The following ANKDD1A variants were observed in gnomAD, a reference collection of about 807,000 sequenced individuals.
ANKDD1A encodes the protein ankyrin repeat and death domain containing 1A.
Under a neutral mutation model 63.5 loss-of-function variants are expected in ANKDD1A, and 59 were observed. That is an observed-to-expected ratio of 0.93 (90% CI 0.75 to 1.15). The LOEUF is 1.15. Ranked by LOEUF, ANKDD1A falls within the 50% of genes most tolerant of loss-of-function variation. ANKDD1A has a pLI of 0.00. For synonymous variants in ANKDD1A, 266 were observed against 263.9 expected (o/e 1.01, Z -0.08); for missense variants, 632 against 656.4 (o/e 0.96, Z 0.41).
intron 10 of ANKDD1A, 29 bp from the exon 11 acceptor site, chr15:64,943,455 C>A: frequency 1.2e-6 from 2 of 1,607,476 alleles, no homozygotes; most frequent in Non-Finnish European, 1.7e-6. Flanking sequence ...ATGCTTTTCA[C>A]TTACCTATTC....
intron 6 of ANKDD1A, among the ~76,000 whole-genome samples, chr15:64,929,745 G>A (rs1189083007): frequency 2.0e-5 from 3 of 152,030 alleles, no homozygotes; most frequent in South Asian, 2.1e-4. Context: ...ATGTACCCCC[G>A]GCCCTATTCT....
intron 13 of ANKDD1A, 151 bp downstream of exon 13, chr15:64,947,744 T>A (rs1259447551): frequency 5.5e-6 from 5 of 914,936 alleles, no homozygotes; most frequent in Non-Finnish European, 8.2e-6. Flanking sequence ...GCTCTGTCCC[T>A]CCTCCAGGCC....
intron 9 of ANKDD1A, among the ~76,000 whole-genome samples, chr15:64,934,550 A>G (rs1595851707): frequency 7.8e-6 from 1 of 127,626 alleles, no homozygotes; most frequent in African/African-American, 3.1e-5. Flanking sequence ...CCCAGGCTGG[A>G]GTGCAGTGTT....
At chr15:64,912,099 C>A in intron 1 of ANKDD1A, 135 bp downstream of exon 1, 1 of 909,770 alleles carries the variant, frequency 1.1e-6, no homozygotes. Flanking sequence ...TGGCTCCGAG[C>A]GGAATGGTTA....
chr15:64,938,504 A>G (rs2085153595), intron 9 of ANKDD1A, among the ~76,000 whole-genome samples: 2 of 152,232 alleles, frequency 1.3e-5, no homozygotes, highest in African/African-American at 2.4e-5. Context: ...GAGACATTCT[A>G]CGAAATACTT....
intron 14 of ANKDD1A, among the ~76,000 whole-genome samples, chr15:64,955,573 A>G (rs1354183996): frequency 6.6e-6 from 1 of 152,144 alleles, no homozygotes; most frequent in Non-Finnish European, 1.5e-5. Flanking sequence ...GGTTTCCCAG[A>G]ATGTGGAAAA....
At chr15:64,951,863 CTTCT>C (rs1239545037) in intron 14 of ANKDD1A, among the ~76,000 whole-genome samples, 5 of 15,256 alleles carry the variant, frequency 3.3e-4, no homozygotes, top group Non-Finnish European at 1.5e-3. Flanking sequence ...TCTTCTTCCT[CTTCT>C]TTTTCTTTCT....
intron 9 of ANKDD1A, among the ~76,000 whole-genome samples, chr15:64,939,924 G>T (rs1043445567): frequency 6.6e-6 from 1 of 151,904 alleles, no homozygotes; most frequent in African/African-American, 2.4e-5. Flanking sequence ...TTGGATCTAG[G>T]GTTAGGCCAA....
chr15:64,930,575 C>T (rs905438327), intron 6 of ANKDD1A, among the ~76,000 whole-genome samples: 9 of 152,274 alleles, frequency 5.9e-5, no homozygotes, highest in East Asian at 1.9e-4. Flanking sequence ...GAGGAGGGAC[C>T]GGCTTCAGAT....
At chr15:64,930,297 C>T (rs2085079237) in intron 6 of ANKDD1A, among the ~76,000 whole-genome samples, 1 of 151,624 alleles carries the variant, frequency 6.6e-6, no homozygotes, top group Non-Finnish European at 1.5e-5. Flanking sequence ...ATACTAAGCA[C>T]TCAGCCAGTG....
At chr15:64,942,428 G>A in intron 9 of ANKDD1A, 39 bp from the exon 10 acceptor site, 1 of 1,509,976 alleles carries the variant, frequency 6.6e-7, no homozygotes, top group South Asian at 1.2e-5. Context: ...GCAGTCCTGG[G>A]AGGGACTGGT....
In ANKDD1A at chr15:64,957,153, G is replaced by A. The variant is rs1252303204; in HGVS notation, c.1534G>A (p.Val512Ile). The change falls in exon 15 of 15, where the codon GTT (valine) becomes ATT (isoleucine). Residue 512 changes from valine to isoleucine, a missense_variant. Physicochemically the swap from Val to Ile is conservative, Grantham distance 29 (BLOSUM62 3). Transcript: ENST00000319580. ...SQLTATSASR[V>I]QMILVPQPPE is the part of the protein sequence containing the mutation. Reference sequence around the variant, plus strand: ...GCTCACGGCAACCTCCGCCTCCCGGGTTCAAATGATTCTTGTGCCTCAGCC... The same window carrying A: ...GCTCACGGCAACCTCCGCCTCCCGGATTCAAATGATTCTTGTGCCTCAGCC... The A allele has an allele frequency of 9.2e-6, 4 of 433,924 alleles. No homozygotes were observed. Among genetic ancestry groups the A allele is most frequent in the South Asian group, 1.6e-5 (1 of 62,240 alleles). The allele number at this position is 433,924 out of a possible 1,614,324, so 26.9% of individuals were successfully genotyped here.
chr15:64,920,623 C>A (rs907922183), intron 3 of ANKDD1A, among the ~76,000 whole-genome samples: 41 of 152,200 alleles, frequency 2.7e-4, no homozygotes, highest in African/African-American at 9.9e-4. Flanking sequence ...GCAATTTTGG[C>A]TCACCATAAG....
intron 14 of ANKDD1A, among the ~76,000 whole-genome samples, chr15:64,953,344 CTTCTTCTTAG>C (rs1025185993): frequency 2.1e-5 from 3 of 146,096 alleles, no homozygotes; most frequent in Non-Finnish European, 4.5e-5. Context: ...TCTTCCTCTC[CTTCTTCTTAG>C]TTCTTCTTTC....
intron 3 of ANKDD1A, among the ~76,000 whole-genome samples, chr15:64,918,180 C>T (rs547718627): frequency 8.5e-5 from 13 of 152,210 alleles, no homozygotes; most frequent in Non-Finnish European, 1.6e-4. Flanking sequence ...CTGGATGACA[C>T]GGCGAAACTC....
chr15:64,952,116 TTTC>T (rs2085298646), intron 14 of ANKDD1A, among the ~76,000 whole-genome samples: 1 of 11,942 alleles, frequency 8.4e-5, no homozygotes, highest in Non-Finnish European at 5.2e-4. Context: ...TTTCTTCTTC[TTTC>T]TTCTCTTTCT....
At chr15:64,953,196 T>TA (rs2085334136) in intron 14 of ANKDD1A, among the ~76,000 whole-genome samples, 2 of 98,942 alleles carry the variant, frequency 2.0e-5, no homozygotes, top group Non-Finnish European at 4.5e-5. Flanking sequence ...TTCCTCTTCT[T>TA]ATTCTTTCTT....
intron 14 of ANKDD1A, among the ~76,000 whole-genome samples, chr15:64,953,536 C>CTCCTTCTTCCT (rs2085344759): frequency 1.2e-4 from 1 of 8,246 alleles, no homozygotes. Flanking sequence ...TTCTTCTCCT[C>CTCCTTCTTCCT]TCCTTCTTCC....
chr15:64,952,167 TTC>T (rs1457254250), intron 14 of ANKDD1A, among the ~76,000 whole-genome samples: 2 of 150,858 alleles, frequency 1.3e-5, no homozygotes, highest in South Asian at 2.1e-4. Context: ...CTTCATCTTT[TTC>T]TTTCTTCTTT....
Sources: allele counts gnomAD v4.1 joint callset (sites outside exome capture counted in the v4.1 genomes callset), GRCh38; gene constraint gnomAD v4.1.1; transcripts MANE v1.5; gene names NCBI Gene and HGNC (gene_info 2026-07-23, HGNC 2026-07-21).